Variants in LRRK1 observed in about 807,000 individuals in gnomAD.
LRRK1 encodes the protein leucine rich repeat kinase 1.
Under a neutral mutation model 209.1 loss-of-function variants are expected in LRRK1, and 113 were observed. The observed-to-expected ratio is 0.54, with a 90% confidence interval of 0.46 to 0.63. The LOEUF is 0.63. LRRK1 is among the 30% of genes least tolerant of loss of function. The pLI, the probability that LRRK1 is intolerant of heterozygous loss-of-function variation, is 0.00. For missense variants in LRRK1, 2,284 were observed against 2,632.2 expected (o/e 0.87, Z 2.89); for synonymous variants, 1,144 against 1,099.7 (o/e 1.04, Z -0.80).
In LRRK1 at chr15:101,010,594, A is replaced by G. The variant is rs1404961801; in HGVS notation, c.1117+17A>G. 1.9e-6 allele frequency: 3 copies of G among 1,608,766 alleles called. No homozygotes were observed. In the South Asian group the frequency reaches 3.4e-5, roughly 18 times the overall value. On this transcript the variant is annotated intron_variant, in intron 8 of 33. Coordinates refer to ENST00000388948, the MANE Select transcript of LRRK1 (RefSeq NM_024652.6). ...AAGAAAATGGTATGTTTTCTCATCA[A>G]CTTGAGTGAATTAGTCATTTTCTTC... is the stretch of plus-strand genomic sequence containing the variant.
At chr15:101,000,560 CT>C (rs1423591544) in intron 6 of LRRK1, among the ~76,000 whole-genome samples, 2 of 152,194 alleles carry the variant, frequency 1.3e-5, no homozygotes, top group African/African-American at 4.8e-5. Context: ...GAAGGGTCGG[CT>C]TCTCCTGGAA....
chr15:100,995,230 T>G (rs1300705973), intron 6 of LRRK1, among the ~76,000 whole-genome samples: 4 of 152,188 alleles, frequency 2.6e-5, no homozygotes, highest in African/African-American at 9.7e-5. Context: ...GTCAGTATTT[T>G]TTAATGTAAT....
At position 100,973,785 on chromosome 15, in the gene LRRK1, T is replaced by TGTGC; in HGVS notation, c.98-18_98-15dup. ...GCAGTGGGCGGTGACGCCGTGTGTG[T>TGTGC]GTGCTTCCTCCCGCGCAGGTGCCGG... On this transcript the variant is annotated intron_variant, in intron 2 of 33. Coordinates refer to ENST00000388948, the MANE Select transcript of LRRK1 (RefSeq NM_024652.6). 1 of 1,276,390 alleles carries TGTGC rather than the reference T, an allele frequency of 7.8e-7. No homozygotes were observed. The highest frequency in any genetic ancestry group is 4.2e-5 in the Admixed American group (1 of 24,008). The allele number at this position is 1,276,390 out of a possible 1,614,324, so 79.1% of individuals were successfully genotyped here.
intron 21 of LRRK1, among the ~76,000 whole-genome samples, chr15:101,047,009 C>T (rs932689631): frequency 6.6e-6 from 1 of 152,222 alleles, no homozygotes; most frequent in African/African-American, 2.4e-5. Flanking sequence ...CTCAAACCCA[C>T]TGCATGAGAA....
In LRRK1 at chr15:101,010,809, T is replaced by C. The variant is rs1177097335; in HGVS notation, c.1253T>C (p.Val418Ala). The part of the protein sequence containing the change: ...SLNVSRNNLK[V>A]FPDPWACPLK... ...AATGTCTCCAGAAACAACCTGAAGGTGTTTCCAGATCCCTGGGCCTGCCCT... is the reference window on the plus strand; with the variant it reads ...AATGTCTCCAGAAACAACCTGAAGGCGTTTCCAGATCCCTGGGCCTGCCCT... The change falls in exon 9 of 34, where the codon GTG becomes GCG. Residue 418 changes from valine to alanine, a missense_variant. This residue lies in a region of LRRK1 where 494 missense variants were observed against 522.1 expected (regional missense o/e 0.95). Coordinates refer to ENST00000388948, the MANE Select transcript of LRRK1 (RefSeq NM_024652.6). 1 of 1,613,828 alleles carries C rather than the reference T, an allele frequency of 6.2e-7. No individual in the cohort carries two copies. Among genetic ancestry groups the C allele is most frequent in the Admixed American group, 1.7e-5 (1 of 59,952 alleles).
intron 29 of LRRK1, 51 bp from the exon 30 acceptor site, chr15:101,061,120 A>G (rs1596347881): frequency 4.3e-6 from 6 of 1,383,114 alleles, no homozygotes; most frequent in African/African-American, 4.2e-5. Context: ...CAGGGAAAGG[A>G]GGCAGCCCCT....
chr15:101,006,372 T>TAAAAAAAAAAAAAAAAAAA (rs56053663), intron 6 of LRRK1, among the ~76,000 whole-genome samples: 1 of 114,452 alleles, frequency 8.7e-6, no homozygotes, highest in Non-Finnish European at 1.9e-5. Context: ...GACAATGTGA[T>TAAAAAAAAAAAAAAAAAAA]AAAAAAAAAA....
chr15:101,025,465 G>A (rs2033984335), intron 16 of LRRK1, among the ~76,000 whole-genome samples: 1 of 152,232 alleles, frequency 6.6e-6, no homozygotes, highest in Non-Finnish European at 1.5e-5. Flanking sequence ...GAATGAGACT[G>A]GGTAATTTAT....
intron 3 of LRRK1, chr15:100,974,202 G>T: frequency 2.6e-6 from 1 of 385,044 alleles, no homozygotes; most frequent in Non-Finnish European, 4.6e-6. Flanking sequence ...TTGAGGGACG[G>T]GGGTGTGGTC....
intron 2 of LRRK1, among the ~76,000 whole-genome samples, chr15:100,958,403 G>A (rs1294072264): frequency 6.6e-6 from 1 of 152,198 alleles, no homozygotes; most frequent in Non-Finnish European, 1.5e-5. Context: ...TGATGTTTGG[G>A]TGTTTTGGAT....
intron 2 of LRRK1, among the ~76,000 whole-genome samples, chr15:100,942,787 G>A (rs1407595233): frequency 6.6e-6 from 1 of 152,084 alleles, no homozygotes; most frequent in Non-Finnish European, 1.5e-5. Context: ...CAAGGCTGAC[G>A]ATGGGTGCCC....
chr15:101,014,367 C>T lies in LRRK1; in HGVS notation c.1471C>T (p.Gln491Ter). The change falls in exon 11 of 34, where the codon CAA (glutamine) becomes TAA (stop). Residue 491 changes from glutamine (Q) to a stop codon, truncating the protein, a stop_gained. Coordinates refer to ENST00000388948, the MANE Select transcript of LRRK1 (RefSeq NM_024652.6). LOFTEE classifies it high-confidence loss of function. ...QGNQLAALPP[Q>*]EKWTCRQLKT... ...GAACCAGCTGGCGGCACTTCCACCT[C>T]AAGAGAAGTGGACCTGCAGGCAGCT... 6.2e-6 allele frequency: 10 copies of T among 1,614,038 alleles called. No homozygotes were observed. Among genetic ancestry groups the T allele is most frequent in the Non-Finnish European group, 8.5e-6 (10 of 1,179,974 alleles).
At chr15:100,943,454 C>G (rs1189061725) in intron 2 of LRRK1, among the ~76,000 whole-genome samples, 1 of 152,120 alleles carries the variant, frequency 6.6e-6, no homozygotes, top group African/African-American at 2.4e-5. Flanking sequence ...CACTTTCTCC[C>G]CCAAATTTCT....
intron 3 of LRRK1, among the ~76,000 whole-genome samples, chr15:100,977,446 G>C (rs1000645192): frequency 1.3e-5 from 2 of 152,188 alleles, no homozygotes; most frequent in African/African-American, 4.8e-5. Flanking sequence ...GAGGAGCTGG[G>C]GTGCTAATCC....
chr15:100,970,180 G>A lies in LRRK1; in HGVS notation c.98-3624G>A, dbSNP rs377049348. 3.0e-4 allele frequency among the ~76,000 whole-genome samples: 46 copies of A among 152,252 alleles called. 2 individuals carry two copies. The highest frequency in any genetic ancestry group is 1.2e-3 in the East Asian group (6 of 5,186). On this transcript the variant is annotated intron_variant, in intron 2 of 33. Coordinates refer to ENST00000388948, the MANE Select transcript of LRRK1 (RefSeq NM_024652.6). Reference sequence around the variant, plus strand: ...GCTGGGATTATAGGCATGGGCCACCGCATGAGCCACCGCACCCAGCCACCA... The same window carrying A: ...GCTGGGATTATAGGCATGGGCCACCACATGAGCCACCGCACCCAGCCACCA...
Position 101,071,243 on chromosome 15 carries a change from A to G in LRRK1, c.*2395A>G, listed in dbSNP as rs2141172324. 1 of 152,414 alleles carries G rather than the reference A, an allele frequency of 6.6e-6. No individual in the cohort carries two copies. Among genetic ancestry groups the G allele is most frequent in the South Asian group, 2.1e-4 (1 of 4,826 alleles). 9.4% of individuals were successfully genotyped at this position (152,414 alleles called of 1,614,324 possible). ...TGAGGACCCTGTCAACATCAGCTGG[A>G]CCACAGGCATCTCAGATAGATGTCA... On this transcript the variant is annotated 3_prime_UTR_variant, in exon 34 of 34. Transcript: ENST00000388948.
chr15:100,974,293 C>T (rs967084953), intron 3 of LRRK1: 13 of 249,888 alleles, frequency 5.2e-5, no homozygotes, highest in Non-Finnish European at 9.8e-5. Context: ...TAAAAAGTAG[C>T]ACATGCTGGA....
At chr15:101,002,866 G>C (rs1310235618) in intron 6 of LRRK1, among the ~76,000 whole-genome samples, 1 of 152,146 alleles carries the variant, frequency 6.6e-6, no homozygotes, top group Non-Finnish European at 1.5e-5. Flanking sequence ...AAGTAGCTGG[G>C]ACTACAGGTG....
chr15:100,982,536 A>T (rs2141662902), intron 3 of LRRK1, among the ~76,000 whole-genome samples: 1 of 152,288 alleles, frequency 6.6e-6, no homozygotes, highest in Non-Finnish European at 1.5e-5. Context: ...TTTACATACC[A>T]GAAGGACTGG....
Sources: gnomAD v4.1 joint callset for allele counts (sites outside exome capture counted in the v4.1 genomes callset) on GRCh38, gnomAD v4.1.1 for gene constraint, gnomAD v4.1.1 regional missense constraint, MANE v1.5 for transcripts, NCBI Gene and HGNC (gene_info 2026-07-23, HGNC 2026-07-21) for gene names.